KIRREL3: variants seen among roughly 807,000 people sequenced by gnomAD.
KIRREL3 encodes the protein kirre like nephrin family adhesion molecule 3.
A neutral mutation model predicts 89.7 loss-of-function variants in KIRREL3; 36 were observed. That is an observed-to-expected ratio of 0.40 (90% CI 0.31 to 0.53). The LOEUF (loss-of-function observed/expected upper bound fraction) is 0.53, where lower values mean the gene tolerates loss of function less well. Among genes scored for constraint, KIRREL3 ranks in the 20% least tolerant of loss-of-function variants. The pLI is 0.49. For missense variants in KIRREL3, 864 were observed against 1,056.6 expected (o/e 0.82, Z 2.53); for synonymous variants, 445 against 441.4 (o/e 1.01, Z -0.10).
In KIRREL3 at chr11:126,521,863, G is replaced by T. The variant is rs536467706; in HGVS notation, c.284-399C>A. Among the ~76,000 whole-genome samples, 407 of 152,188 alleles carry T rather than the reference G, an allele frequency of 2.7e-3. No homozygotes were observed. Among genetic ancestry groups the T allele is most frequent in the African/African-American group, 9.6e-3 (398 of 41,502 alleles). On this transcript the variant is annotated intron_variant, in intron 3 of 16. Coordinates refer to ENST00000525144, the MANE Select transcript of KIRREL3 (RefSeq NM_032531.4). This position sits in a 1 kb window ranked among gnomAD's most constrained non-coding sequence, Gnocchi z 4.1. ...AGACTCAAACGATCCTCCCACCTCA[G>T]CCTCCCAAGTAGCTGGGACTACAGA... is the stretch of plus-strand genomic sequence containing the variant.
intron 1 of KIRREL3, among the ~76,000 whole-genome samples, chr11:126,749,946 C>T (rs1946089): frequency 0.57 from 86,206 of 151,944 alleles, 25,145 homozygotes; most frequent in East Asian, 0.96. Flanking sequence ...CGTTTTGATG[C>T]CACTCATTCT....
In KIRREL3 at chr11:126,558,143, CT is replaced by C. The variant is rs1939843488; in HGVS notation, c.133+4691del. 1.3e-5 allele frequency among the ~76,000 whole-genome samples: 2 copies of C among 152,206 alleles called. No individual in the cohort carries two copies. The highest frequency in any genetic ancestry group is 1.3e-4 in the Admixed American group (2 of 15,278). ...GGAGTACCCTCCTGTGCAGGCCCCC[CT>C]CTGCCCCAAGGGGATGGCTGAAGGG... On this transcript the variant is annotated intron_variant, in intron 2 of 16. Transcript: ENST00000525144. This position sits in a 1 kb window ranked among gnomAD's most constrained non-coding sequence, Gnocchi z 4.0.
chr11:126,502,293 C>A (rs1170415859), intron 4 of KIRREL3, among the ~76,000 whole-genome samples: 1 of 152,224 alleles, frequency 6.6e-6, no homozygotes, highest in Non-Finnish European at 1.5e-5. Context: ...AGCACACCAG[C>A]TAGGGAAGCA....
chr11:126,539,699 T>C (rs370964990), intron 2 of KIRREL3, among the ~76,000 whole-genome samples: 1 of 152,212 alleles, frequency 6.6e-6, no homozygotes, highest in East Asian at 1.9e-4. Context: ...CAGTTTTAAA[T>C]GTGTTGATGG....
intron 1 of KIRREL3, among the ~76,000 whole-genome samples, chr11:126,799,449 C>CATAT (rs1565741956): frequency 0.012 from 9 of 722 alleles, no homozygotes; most frequent in East Asian, 0.029. Context: ...TGTGTGCATG[C>CATAT]ATCTCTGTGT....
At chr11:126,548,402 T>A (rs1016813472) in intron 2 of KIRREL3, among the ~76,000 whole-genome samples, 1 of 152,164 alleles carries the variant, frequency 6.6e-6, no homozygotes, top group African/African-American at 2.4e-5. Context: ...CCAGACCTGC[T>A]GGGAGACAAC....
intron 1 of KIRREL3, among the ~76,000 whole-genome samples, chr11:126,790,884 G>A (rs544803695): frequency 6.6e-6 from 1 of 152,144 alleles, no homozygotes; most frequent in African/African-American, 2.4e-5. Context: ...ATCCCAGGGG[G>A]CAAATGACGG....
In KIRREL3 at chr11:126,440,248, G is replaced by A. The variant is rs142900252; in HGVS notation, c.1353+201C>T. ...CAGCAGAATGGCAGCTGAACCCTGG[G>A]AGAGCACTGCCTGTTCTGAGAAAGG... On this transcript the variant is annotated intron_variant, in intron 11 of 16. Coordinates refer to ENST00000525144, the MANE Select transcript of KIRREL3 (RefSeq NM_032531.4). The A allele has an allele frequency of 1.9e-4, 133 of 703,848 alleles. 1 individual carries two copies. The East Asian group carries it at 3.1e-3, about 16-fold the overall frequency. 43.6% of individuals were successfully genotyped at this position (703,848 alleles called of 1,614,324 possible).
rs1165776285 is a variant in KIRREL3, at chr11:126,516,320, T to C, written c.433+4995A>G. Among the ~76,000 whole-genome samples the C allele has an allele frequency of 3.9e-5, 6 of 152,150 alleles. No homozygotes were observed. Among genetic ancestry groups the C allele is most frequent in the African/African-American group, 7.2e-5 (3 of 41,428 alleles). ...AGAAGAGGGAAATGAGGAGGGAGAC[T>C]GGGAAAAATGCCCCTCTTAATAATT... On this transcript the variant is annotated intron_variant, in intron 4 of 16. Transcript: ENST00000525144. This position sits in a 1 kb window ranked among gnomAD's most constrained non-coding sequence, Gnocchi z 4.9.
In KIRREL3 at chr11:126,526,744, C is replaced by T. The variant is rs1286893865; in HGVS notation, c.134-57G>A. 6.6e-7 allele frequency: 1 copy of T among 1,517,054 alleles called. No individual in the cohort carries two copies. Among genetic ancestry groups the T allele is most frequent in the Admixed American group, 2.0e-5 (1 of 50,310 alleles). 94.0% of individuals were successfully genotyped at this position (1,517,054 alleles called of 1,614,324 possible). A position where few individuals can be genotyped will look rare whatever the true frequency, so the allele number is the denominator to read the frequency against. ...TCTGCCGGCTACAGGGGCGAGAAGG[C>T]TCCCCTCCAGCTATGGAAGCAGAGC... On this transcript the variant is annotated intron_variant, in intron 2 of 16. Coordinates refer to ENST00000525144, the MANE Select transcript of KIRREL3 (RefSeq NM_032531.4). The surrounding 1 kb of genome is among the most constrained non-coding windows in gnomAD (Gnocchi z 5.7).
In KIRREL3 at chr11:126,428,858, G is replaced by T. The variant is rs1450315565; in HGVS notation, c.1806+321C>A. 1.3e-5 allele frequency among the ~76,000 whole-genome samples: 2 copies of T among 152,190 alleles called. No homozygotes were observed. The highest frequency in any genetic ancestry group is 2.9e-5 in the Non-Finnish European group (2 of 68,036). On this transcript the variant is annotated intron_variant, in intron 15 of 16. Transcript: ENST00000525144. The surrounding 1 kb of genome is among the most constrained non-coding windows in gnomAD (Gnocchi z 6.4). ...GATGTAGTTTCACCATGTTGGCCAG[G>T]CTGGTCTCGAACTCCTAATCTCAAG...
At chr11:126,616,786 T>G (rs1943370812) in intron 1 of KIRREL3, among the ~76,000 whole-genome samples, 1 of 152,150 alleles carries the variant, frequency 6.6e-6, no homozygotes, top group South Asian at 2.1e-4. Context: ...AGACTACAGG[T>G]GCACACCACT....
rs1011522429 is a variant in KIRREL3, at chr11:126,569,972, TA to T, written c.56-7061del. Among the ~76,000 whole-genome samples, 3 of 152,182 alleles carry T rather than the reference TA, an allele frequency of 2.0e-5. No individual in the cohort carries two copies. Among genetic ancestry groups the T allele is most frequent in the African/African-American group, 7.2e-5 (3 of 41,456 alleles). Reference sequence around the variant, plus strand: ...GTTCTGCCTACTCCTATTTTCAGCATAATTACTCATATCCCAGGCAATAATA... The same window carrying T: ...GTTCTGCCTACTCCTATTTTCAGCATATTACTCATATCCCAGGCAATAATA... On this transcript the variant is annotated intron_variant, in intron 1 of 16. Coordinates refer to ENST00000525144, the MANE Select transcript of KIRREL3 (RefSeq NM_032531.4). The surrounding 1 kb of genome is among the most constrained non-coding windows in gnomAD (Gnocchi z 6.5).
Position 126,674,718 on chromosome 11 carries a change from T to C in KIRREL3, c.56-111806A>G, listed in dbSNP as rs114039203. On this transcript the variant is annotated intron_variant, in intron 1 of 16. Transcript: ENST00000525144. Reference sequence around the variant, plus strand: ...GAGAAGGATGGCAGGGGCTTTGAGTTGTCATCTTTTCTTAGGAGCTAAGAA... The same window carrying C: ...GAGAAGGATGGCAGGGGCTTTGAGTCGTCATCTTTTCTTAGGAGCTAAGAA... 3.7e-3 allele frequency among the ~76,000 whole-genome samples: 559 copies of C among 152,268 alleles called. 5 individuals carry two copies. The highest frequency in any genetic ancestry group is 0.013 in the African/African-American group (533 of 41,538).
rs114804948 is a variant in KIRREL3, at chr11:126,745,684, T to C, written c.56-182772A>G. On this transcript the variant is annotated intron_variant, in intron 1 of 16. Coordinates refer to ENST00000525144, the MANE Select transcript of KIRREL3 (RefSeq NM_032531.4). ...AGGTAGTATCAGGTGGTCTAACCAC[T>C]GAGCTTCACCCCCTTGGTGCTGTAG... is the stretch of plus-strand genomic sequence containing the variant. 6.9e-3 allele frequency among the ~76,000 whole-genome samples: 1,044 copies of C among 152,334 alleles called. 12 individuals carry two copies. The highest frequency in any genetic ancestry group is 0.03 in the South Asian group (147 of 4,824).
chr11:126,901,988 G>A (rs1946389144), intron 1 of KIRREL3, among the ~76,000 whole-genome samples: 1 of 152,160 alleles, frequency 6.6e-6, no homozygotes, highest in Non-Finnish European at 1.5e-5. Flanking sequence ...GGGTCATAGG[G>A]CTGGGCCCTG....
chr11:126,488,130 G>A (rs1391441354), intron 4 of KIRREL3, among the ~76,000 whole-genome samples: 1 of 152,214 alleles, frequency 6.6e-6, no homozygotes, highest in African/African-American at 2.4e-5. Context: ...GGGACTGTGG[G>A]CCTCCTATGT....
At chr11:126,602,275 G>T (rs1004109033) in intron 1 of KIRREL3, among the ~76,000 whole-genome samples, 1 of 152,094 alleles carries the variant, frequency 6.6e-6, no homozygotes, top group Non-Finnish European at 1.5e-5. Flanking sequence ...GGGCTTTTTG[G>T]GTCTTGGGGT....
chr11:126,538,608 C>A (rs558794198), intron 2 of KIRREL3, among the ~76,000 whole-genome samples: 10 of 152,184 alleles, frequency 6.6e-5, no homozygotes, highest in Non-Finnish European at 7.4e-5. Flanking sequence ...GTGACCTGCT[C>A]GGGGAACAGG....
Sources: allele counts gnomAD v4.1 joint callset (sites outside exome capture counted in the v4.1 genomes callset), GRCh38; gene constraint gnomAD v4.1.1; non-coding constraint Gnocchi (gnomAD v3.1); transcripts MANE v1.5; gene names NCBI Gene and HGNC (gene_info 2026-07-23, HGNC 2026-07-21).